MBP: variants seen among roughly 807,000 people sequenced by gnomAD.
MBP encodes the protein myelin basic protein, also known as Golli-MBP.
Under a neutral mutation model 35.8 loss-of-function variants are expected in MBP, and 16 were observed. The ratio of observed to expected loss-of-function variants is 0.45; its 90% CI spans 0.30 to 0.68. The LOEUF (loss-of-function observed/expected upper bound fraction) is 0.68. Among genes scored for constraint, MBP ranks in the 30% least tolerant of loss-of-function variants. The pLI is 0.08. For missense variants in MBP, 380 were observed against 404.7 expected, an observed-to-expected ratio of 0.94 and a Z score of 0.52; for synonymous variants, 143 against 159.6, an observed-to-expected ratio of 0.90 and a Z score of 0.78.
intron 4 of MBP, among the ~76,000 whole-genome samples, chr18:76,994,891 T>C (rs1369634022): frequency 6.6e-6 from 1 of 152,230 alleles, no homozygotes; most frequent in African/African-American, 2.4e-5. Flanking sequence ...TTTTTGGTTA[T>C]AGATGCATTG....
At chr18:77,032,373 C>A (rs1317651123) in intron 3 of MBP, among the ~76,000 whole-genome samples, 2 of 152,268 alleles carry the variant, frequency 1.3e-5, no homozygotes, top group African/African-American at 4.8e-5. Flanking sequence ...AACTTTCCCA[C>A]AAACGAGGCT....
intron 3 of MBP, among the ~76,000 whole-genome samples, chr18:77,039,190 C>T (rs984652320): frequency 2.6e-5 from 4 of 152,144 alleles, no homozygotes; most frequent in Admixed American, 6.5e-5. Flanking sequence ...ACAGAGACTG[C>T]GTAGCCTGCA....
intron 3 of MBP, among the ~76,000 whole-genome samples, chr18:77,034,397 G>A (rs553243990): frequency 5.3e-5 from 8 of 152,262 alleles, no homozygotes; most frequent in African/African-American, 1.9e-4. Context: ...ACTCCTTAAT[G>A]CTAGGCCTGG....
chr18:77,034,737 C>T (rs1264247593), intron 3 of MBP, among the ~76,000 whole-genome samples: 2 of 152,184 alleles, frequency 1.3e-5, no homozygotes, highest in African/African-American at 4.8e-5. Flanking sequence ...TTCGGAGATT[C>T]TCTTGCTTTG....
chr18:76,979,727 C>T lies in MBP; in HGVS notation c.*700G>A. The T allele has an allele frequency of 1.8e-6, 1 of 566,584 alleles. No individual in the cohort carries two copies. Among genetic ancestry groups the T allele is most frequent in the Non-Finnish European group, 3.1e-6 (1 of 318,718 alleles). The allele number at this position is 566,584 out of a possible 1,614,324, so 35.1% of individuals were successfully genotyped here. A position where few individuals can be genotyped will look rare whatever the true frequency, so the allele number is the denominator to read the frequency against. On this transcript the variant is annotated 3_prime_UTR_variant, in exon 9 of 9. Transcript: ENST00000355994. ...TCCTATGTGAGGCCATTGCCCAGCCCACGTTTGCCTCCTTTTCCTCCCTCT... is the reference window on the plus strand; with the variant it reads ...TCCTATGTGAGGCCATTGCCCAGCCTACGTTTGCCTCCTTTTCCTCCCTCT...
At chr18:76,998,712 T>G (rs1348381208) in intron 4 of MBP, among the ~76,000 whole-genome samples, 1 of 152,090 alleles carries the variant, frequency 6.6e-6, no homozygotes, top group Non-Finnish European at 1.5e-5. Flanking sequence ...ACACACAGTG[T>G]TAGGGTGGCT....
intron 1 of MBP, among the ~76,000 whole-genome samples, chr18:77,106,555 A>G (rs943805531): frequency 6.6e-6 from 1 of 152,044 alleles, no homozygotes; most frequent in African/African-American, 2.4e-5. Context: ...TGTGTGATGA[A>G]ACTGGGGCCC....
chr18:77,125,765 T>G (rs943484019), intron 1 of MBP, among the ~76,000 whole-genome samples: 2 of 151,998 alleles, frequency 1.3e-5, no homozygotes, highest in Non-Finnish European at 1.5e-5. Flanking sequence ...TATCAAAACT[T>G]TTACTCGATA....
chr18:77,130,046 C>CAA (rs35240388), intron 1 of MBP, among the ~76,000 whole-genome samples: 3,617 of 129,210 alleles, frequency 0.028, 73 homozygotes, highest in Middle Eastern at 0.054. Context: ...AAGACTCTGT[C>CAA]AAAAAAAAAA....
intron 3 of MBP, among the ~76,000 whole-genome samples, chr18:77,018,772 CCATCCATCCACAT>C (rs1971827520): frequency 6.7e-6 from 1 of 148,840 alleles, no homozygotes; most frequent in African/African-American, 2.6e-5. Flanking sequence ...ATCCATCCAT[CCATCCATCCACAT>C]ATCAGTCCAT....
Position 77,096,391 on chromosome 18 carries a change from G to T in MBP, c.51+8820C>A, listed in dbSNP as rs575826489. On this transcript the variant is annotated intron_variant, in intron 2 of 8. Transcript: ENST00000355994. ...ATGGAGCAGATTCTGCAGGGGGTGT[G>T]ATTGCCCCTGGAGAGGTGCAGAGCG... 3.9e-5 allele frequency among the ~76,000 whole-genome samples: 6 copies of T among 152,288 alleles called. No individual in the cohort carries two copies. The East Asian group carries it at 1.2e-3, about 29-fold the overall frequency.
At chr18:77,078,585 C>T (rs1272482926) in intron 2 of MBP, among the ~76,000 whole-genome samples, 3 of 152,232 alleles carry the variant, frequency 2.0e-5, no homozygotes, top group Admixed American at 6.5e-5. Flanking sequence ...AATTCGAAGC[C>T]GTCTTCCCAT....
chr18:77,069,509 C>A (rs1302676925), intron 2 of MBP, among the ~76,000 whole-genome samples: 1 of 152,146 alleles, frequency 6.6e-6, no homozygotes, highest in African/African-American at 2.4e-5. Context: ...TCTCTCCAAG[C>A]GGGACACCAC....
At chr18:76,987,560 C>T (rs1303879898) in intron 7 of MBP, 4 of 985,084 alleles carry the variant, frequency 4.1e-6, no homozygotes, top group Non-Finnish European at 1.2e-6. Flanking sequence ...TCTTCCTGTT[C>T]TTTCTCCTTG....
chr18:77,037,082 G>C (rs1050961146), intron 3 of MBP, among the ~76,000 whole-genome samples: 6 of 145,654 alleles, frequency 4.1e-5, no homozygotes, highest in South Asian at 2.2e-4. Context: ...GTAAGTGCTG[G>C]TCACATTTTG....
In MBP at chr18:77,080,689, AT is replaced by A. The variant is rs200650459; in HGVS notation, c.52-14305del. On this transcript the variant is annotated intron_variant, in intron 2 of 8. Coordinates refer to ENST00000355994, the MANE Select transcript of MBP (RefSeq NM_001025101.2). ...ACACACTTTTTATATTTTATTTATTATTTATTTTTTTTATGATGAAGTCTCA... is the reference window on the plus strand; with the variant it reads ...ACACACTTTTTATATTTTATTTATTATTATTTTTTTTATGATGAAGTCTCA... 9.1e-3 allele frequency among the ~76,000 whole-genome samples: 1,379 copies of A among 151,648 alleles called. 18 individuals carry two copies. Among genetic ancestry groups the A allele is most frequent in the Non-Finnish European group, 0.014 (981 of 67,716 alleles).
chr18:77,124,037 C>A (rs1479719057), intron 1 of MBP, among the ~76,000 whole-genome samples: 5 of 152,176 alleles, frequency 3.3e-5, no homozygotes, highest in Non-Finnish European at 1.5e-5. Context: ...GCCTGCAGGG[C>A]AGCATGGGCA....
At chr18:77,009,554 A>G (rs769382625) in intron 4 of MBP, among the ~76,000 whole-genome samples, 1 of 152,128 alleles carries the variant, frequency 6.6e-6, no homozygotes, top group Non-Finnish European at 1.5e-5. Context: ...AGTGAGGCAG[A>G]CTCTCACCAA....
At position 77,039,853 on chromosome 18, in the gene MBP, C is replaced by G. The variant is rs73968258; in HGVS notation, c.140-22585G>C. Among the ~76,000 whole-genome samples the G allele has an allele frequency of 5.5e-3, 830 of 152,292 alleles. 9 individuals are homozygous for G. The highest frequency in any genetic ancestry group is 0.019 in the African/African-American group (804 of 41,552). Reference sequence around the variant, plus strand: ...GGAAACGCAGGGGTGGATGCCCAGCCCCTGTCCGGTCACCCGAATACAGTT... The same window carrying G: ...GGAAACGCAGGGGTGGATGCCCAGCGCCTGTCCGGTCACCCGAATACAGTT... On this transcript the variant is annotated intron_variant, in intron 3 of 8. Coordinates refer to ENST00000355994, the MANE Select transcript of MBP (RefSeq NM_001025101.2).
Sources: gnomAD v4.1 joint callset for allele counts (sites outside exome capture counted in the v4.1 genomes callset) on GRCh38, gnomAD v4.1.1 for gene constraint, MANE v1.5 for transcripts, NCBI Gene and HGNC (gene_info 2026-07-23, HGNC 2026-07-21) for gene names.